GBF1: variants seen among roughly 807,000 people sequenced by gnomAD.
GBF1 encodes the protein golgi brefeldin A resistant guanine nucleotide exchange factor 1.
Under a neutral mutation model 210.5 loss-of-function variants are expected in GBF1, and 114 were observed. The observed-to-expected ratio is 0.54, with a 90% CI of 0.47 to 0.63. The LOEUF is 0.63. GBF1 is among the 30% of genes least tolerant of loss of function. The pLI is 0.00. For synonymous variants in GBF1, 850 were observed against 889.2 expected, an observed-to-expected ratio of 0.96 and a Z score of 0.78; for missense variants, 1,851 against 2,357.7, an observed-to-expected ratio of 0.79 and a Z score of 4.45.
chr10:102,358,291 G>A, intron 9 of GBF1, 105 bp downstream of exon 9: 2 of 1,078,758 alleles, frequency 1.9e-6, no homozygotes, highest in Non-Finnish European at 2.7e-6. Flanking sequence ...TTTGGTCTTG[G>A]CGCTGAGAAC....
At chr10:102,378,646 TAAG>T (rs1005761719) in intron 33 of GBF1, among the ~76,000 whole-genome samples, 3 of 147,794 alleles carry the variant, frequency 2.0e-5, no homozygotes, top group Admixed American at 6.6e-5. Context: ...AAAAATAAAA[TAAG>T]AAATAAAATT....
At chr10:102,352,539 T>C in intron 7 of GBF1, 21 bp downstream of exon 7, 2 of 1,579,086 alleles carry the variant, frequency 1.3e-6, no homozygotes, top group Non-Finnish European at 8.7e-7. Flanking sequence ...TGCTGTTTGC[T>C]TCAGCCCGGC....
rs776764460 is a variant in GBF1 at position 102,375,596 on chromosome 10, C to T, written c.3886+12C>T. The T allele has an allele frequency of 6.5e-7, 1 of 1,550,044 alleles. No individual in the cohort carries two copies. The highest frequency in any genetic ancestry group is 8.9e-7 in the Non-Finnish European group (1 of 1,122,852). On this transcript the variant is annotated intron_variant, in intron 30 of 39. Transcript: ENST00000369983. ...TGCACCTGATGCCGGTAAGCCCTTTCCCAGGGAGACTCAGGCTGGCAGATA... is the reference window on the plus strand; with the variant it reads ...TGCACCTGATGCCGGTAAGCCCTTTTCCAGGGAGACTCAGGCTGGCAGATA...
chr10:102,286,631 G>A (rs911009742), intron 3 of GBF1, among the ~76,000 whole-genome samples: 1 of 152,068 alleles, frequency 6.6e-6, no homozygotes, highest in Admixed American at 6.6e-5. Flanking sequence ...TTTTCCTGTT[G>A]TAAAGGTCAG....
At chr10:102,346,492 G>T (rs767464278) in intron 4 of GBF1, among the ~76,000 whole-genome samples, 13 of 152,114 alleles carry the variant, frequency 8.5e-5, no homozygotes, top group Non-Finnish European at 1.6e-4. Context: ...GTGCCAACTT[G>T]GTAAGTAAAA....
chr10:102,268,727 A>C (rs2133251455), intron 3 of GBF1, among the ~76,000 whole-genome samples: 1 of 152,308 alleles, frequency 6.6e-6, no homozygotes, highest in East Asian at 1.9e-4. Context: ...AGAGATAGTG[A>C]AGAGTTTGTC....
At chr10:102,337,863 A>G (rs1218230814) in intron 3 of GBF1, among the ~76,000 whole-genome samples, 1 of 148,904 alleles carries the variant, frequency 6.7e-6, no homozygotes, top group Non-Finnish European at 1.5e-5. Flanking sequence ...TCTCAAAAAG[A>G]AAGAAAGAAA....
At chr10:102,244,437 C>T (rs1021272060), upstream of GBF1, among the ~76,000 whole-genome samples, 3 of 152,184 alleles carry the variant, frequency 2.0e-5, no homozygotes, top group Non-Finnish European at 4.4e-5. Flanking sequence ...CCTCTTCTCA[C>T]GCATTCTCAC....
intron 3 of GBF1, among the ~76,000 whole-genome samples, chr10:102,301,421 T>C (rs1388558638): frequency 2.6e-5 from 4 of 152,240 alleles, no homozygotes; most frequent in African/African-American, 9.6e-5. Context: ...CTCTATCTTT[T>C]CCCCACATTT....
intron 1 of GBF1, among the ~76,000 whole-genome samples, chr10:102,248,568 T>C (rs1344201462): frequency 2.6e-5 from 4 of 152,104 alleles, no homozygotes; most frequent in Non-Finnish European, 5.9e-5. Flanking sequence ...CCCATGGGAA[T>C]GTATTAGGAT....
chr10:102,330,104 C>T (rs2057226456), intron 3 of GBF1, among the ~76,000 whole-genome samples: 1 of 151,914 alleles, frequency 6.6e-6, no homozygotes, highest in South Asian at 2.1e-4. Context: ...CCATGGTACT[C>T]CAGCCTGAGC....
intron 29 of GBF1, among the ~76,000 whole-genome samples, chr10:102,371,425 G>C (rs1366821231): frequency 1.3e-5 from 2 of 152,154 alleles, no homozygotes; most frequent in East Asian, 1.9e-4. Flanking sequence ...AATTGAAGAA[G>C]ATGTAAATAA....
intron 3 of GBF1, among the ~76,000 whole-genome samples, chr10:102,312,255 T>C (rs2078514760): frequency 6.6e-6 from 1 of 150,918 alleles, no homozygotes; most frequent in African/African-American, 2.4e-5. Context: ...ATCTTACCAT[T>C]GCACTCCAGC....
At chr10:102,375,627 T>C in intron 30 of GBF1, 43 bp downstream of exon 30, 1 of 1,276,976 alleles carries the variant, frequency 7.8e-7, no homozygotes, top group Non-Finnish European at 1.1e-6. Context: ...AGATAAACAG[T>C]TACACCCCAG....
chr10:102,312,896 G>A (rs1340902444), intron 3 of GBF1, among the ~76,000 whole-genome samples: 1 of 152,112 alleles, frequency 6.6e-6, no homozygotes, highest in Admixed American at 6.5e-5. Context: ...TTAAATCTGA[G>A]CTGTGCCTTG....
At chr10:102,246,851 A>G (rs1008678598) in intron 1 of GBF1, among the ~76,000 whole-genome samples, 4 of 152,214 alleles carry the variant, frequency 2.6e-5, no homozygotes, top group Non-Finnish European at 4.4e-5. Context: ...CAGGTATAAA[A>G]GGCACTCTAG....
rs184453444 is a variant in GBF1, at chr10:102,260,944, C to T, written c.163+828C>T. ...CCCCCTATTTTCCTAATCACGGTAA[C>T]CTTATATAATATATTCATATGTTTA... On this transcript the variant is annotated intron_variant, in intron 3 of 39. Transcript: ENST00000369983. 9.9e-5 allele frequency among the ~76,000 whole-genome samples: 15 copies of T among 152,150 alleles called. No homozygotes were observed. The East Asian group carries it at 2.7e-3, about 27-fold the overall frequency.
intron 13 of GBF1, 95 bp downstream of exon 13, chr10:102,361,215 G>C (rs2059584433): frequency 3.9e-6 from 3 of 770,778 alleles, no homozygotes; most frequent in Non-Finnish European, 7.1e-6. Flanking sequence ...ACAGGGGTAG[G>C]ATTTAGGGAC....
At chr10:102,285,444 C>T (rs1453064489) in intron 3 of GBF1, among the ~76,000 whole-genome samples, 2 of 152,148 alleles carry the variant, frequency 1.3e-5, no homozygotes, top group African/African-American at 2.4e-5. Flanking sequence ...GATGTTACTT[C>T]GCCACTACTT....
Sources: allele counts gnomAD v4.1 joint callset (sites outside exome capture counted in the v4.1 genomes callset), GRCh38; gene constraint gnomAD v4.1.1; transcripts MANE v1.5; gene names NCBI Gene and HGNC (gene_info 2026-07-23, HGNC 2026-07-21).